SSC4D: variants seen among roughly 807,000 people sequenced by gnomAD.
SSC4D encodes the protein scavenger receptor cysteine-rich domain-containing group B protein.
A neutral mutation model predicts 63.4 loss-of-function variants in SSC4D; 57 were observed. The observed-to-expected ratio is 0.90, with a 90% CI of 0.73 to 1.12. The LOEUF (loss-of-function observed/expected upper bound fraction) is 1.12. Ranked by LOEUF, SSC4D falls within the 50% of genes most tolerant of loss-of-function variation. The pLI is 0.00. For synonymous variants in SSC4D, 352 were observed against 345.4 expected (o/e 1.02, Z -0.21); for missense variants, 791 against 806.4 (o/e 0.98, Z 0.23).
intron 5 of SSC4D, 95 bp from the exon 6 acceptor site, chr7:76,397,927 C>A: frequency 8.0e-7 from 1 of 1,257,378 alleles, no homozygotes; most frequent in East Asian, 2.6e-5. Context: ...ATCTACAACC[C>A]TTGGGCATCT....
At chr7:76,400,836 G>A (rs947065544) in intron 3 of SSC4D, among the ~76,000 whole-genome samples, 172 bp downstream of exon 3, 1 of 152,118 alleles carries the variant, frequency 6.6e-6, no homozygotes, top group Non-Finnish European at 1.5e-5. Flanking sequence ...TGAAGCCATG[G>A]GAACCTTGGG....
chr7:76,403,347 C>CTTTTT (rs766899317), intron 2 of SSC4D, among the ~76,000 whole-genome samples: 1 of 149,530 alleles, frequency 6.7e-6, no homozygotes, highest in African/African-American at 2.4e-5. Context: ...GACTCCACTT[C>CTTTTT]TTTTTTTTGA....
In SSC4D at chr7:76,389,978, C is replaced by T. The variant is rs780695731; in HGVS notation, c.*81G>A. ...AAGGAGGGGCAAAGTGAACTGTAGT[C>T]ATCACAAGAGGAGGGCTTCCTGGAG... On this transcript the variant is annotated 3_prime_UTR_variant, in exon 11 of 11. Coordinates refer to ENST00000275560, the MANE Select transcript of SSC4D (RefSeq NM_080744.2). 2 of 1,569,106 alleles carry T rather than the reference C, an allele frequency of 1.3e-6. No individual in the cohort carries two copies. Among genetic ancestry groups the T allele is most frequent in the Non-Finnish European group, 1.7e-6 (2 of 1,147,894 alleles).
intron 1 of SSC4D, 108 bp downstream of exon 1, chr7:76,409,306 C>CTT (rs1805155230): frequency 8.9e-6 from 1 of 112,854 alleles, no homozygotes; most frequent in Non-Finnish European, 1.8e-5. Context: ...GCCTCTCTCT[C>CTT]TCTCTCTCTC....
At chr7:76,407,170 T>C (rs541360550) in intron 1 of SSC4D, among the ~76,000 whole-genome samples, 144 of 152,116 alleles carry the variant, frequency 9.5e-4, no homozygotes, top group African/African-American at 3.2e-3. Flanking sequence ...CATGTTGACC[T>C]GGCTGGTCTG....
intron 2 of SSC4D, among the ~76,000 whole-genome samples, chr7:76,403,313 G>C (rs139830136): frequency 6.6e-6 from 1 of 151,702 alleles, no homozygotes; most frequent in Non-Finnish European, 1.5e-5. Context: ...ACTTGTGTAC[G>C]CATTTTACTG....
chr7:76,389,827 C>T lies in SSC4D; in HGVS notation c.*232G>A, dbSNP rs1563678366. On this transcript the variant is annotated 3_prime_UTR_variant, in exon 11 of 11. Coordinates refer to ENST00000275560, the MANE Select transcript of SSC4D (RefSeq NM_080744.2). ...TTTTGGCTGAGCAAAACCACAGGAG[C>T]TTTCACTGAATTGGGCTCACAACAG... is the stretch of plus-strand genomic sequence containing the variant. 1 of 577,086 alleles carries T rather than the reference C, an allele frequency of 1.7e-6. No homozygotes were observed. The highest frequency in any genetic ancestry group is 3.0e-6 in the Non-Finnish European group (1 of 328,718). 35.7% of individuals were successfully genotyped at this position (577,086 alleles called of 1,614,324 possible).
chr7:76,401,884 C>A (rs1804841060), intron 2 of SSC4D, among the ~76,000 whole-genome samples: 1 of 152,192 alleles, frequency 6.6e-6, no homozygotes, highest in Non-Finnish European at 1.5e-5. Flanking sequence ...AACTCTGTGT[C>A]CCCAGACTCT....
intron 9 of SSC4D, among the ~76,000 whole-genome samples, chr7:76,392,543 A>G (rs1804515461): frequency 6.6e-6 from 1 of 151,614 alleles, no homozygotes; most frequent in Non-Finnish European, 1.5e-5. Context: ...TGTCTCAAAA[A>G]AAAAAAAAAA....
chr7:76,392,697 G>C (rs748610917), intron 9 of SSC4D, among the ~76,000 whole-genome samples: 1 of 152,026 alleles, frequency 6.6e-6, no homozygotes, highest in Non-Finnish European at 1.5e-5. Flanking sequence ...GAGGTTGAGC[G>C]GAGTAGGATA....
At chr7:76,399,159 C>T (rs967644035) in intron 4 of SSC4D, among the ~76,000 whole-genome samples, 21 of 151,942 alleles carry the variant, frequency 1.4e-4, no homozygotes, top group Non-Finnish European at 2.9e-5. Flanking sequence ...TTACAGGTGC[C>T]TGCCACCATG....
rs1352005328 is a variant in SSC4D at position 76,397,558 on chromosome 7, G to T, written c.828C>A (p.His276Gln). ...AACQSLGWGV[H>Q]NCGHHEDAGA... ...CCGCGTCCTCGTGGTGGCCGCAGTT[G>T]TGCACACCCCAGCCCAGGCTCTGGC... Residue 276 changes from histidine (H) to glutamine (Q), a missense_variant, in exon 6 of 11, where the codon CAC becomes CAA. His to Gln is a conservative substitution (Grantham distance 24). Coordinates refer to ENST00000275560, the MANE Select transcript of SSC4D (RefSeq NM_080744.2). 2 of 1,603,338 alleles carry T rather than the reference G, an allele frequency of 1.2e-6. No homozygotes were observed. Among genetic ancestry groups the T allele is most frequent in the South Asian group, 2.2e-5 (2 of 89,960 alleles).
At chr7:76,396,938 G>C (rs540548634) in intron 6 of SSC4D, among the ~76,000 whole-genome samples, 1 of 152,222 alleles carries the variant, frequency 6.6e-6, no homozygotes, top group South Asian at 2.1e-4. Context: ...AATATCTCTG[G>C]GGCAATTCTA....
Position 76,390,320 on chromosome 7 carries a change from G to C in SSC4D, c.1467C>G (p.Tyr489Ter), listed in dbSNP as rs1221493523. 2 of 1,608,876 alleles carry C rather than the reference G, an allele frequency of 1.2e-6. No homozygotes were observed. The highest frequency in any genetic ancestry group is 2.2e-5 in the South Asian group (2 of 90,264). ...AGACAGTGCCCCACCGTTGCCCTAGGTAGAGCTCTACACGTCCCTCGCATC... is the reference window on the plus strand; with the variant it reads ...AGACAGTGCCCCACCGTTGCCCTAGCTAGAGCTCTACACGTCCCTCGCATC... ...AHRCEGRVELYLGQRWGTVCD... is the reference protein window; with the variant it reads ...AHRCEGRVEL The change falls in exon 11 of 11, where the codon TAC becomes TAG. Residue 489 changes from tyrosine to a stop codon, truncating the protein, a stop_gained. Coordinates refer to ENST00000275560, the MANE Select transcript of SSC4D (RefSeq NM_080744.2). LOFTEE classifies it high-confidence loss of function.
intron 1 of SSC4D, among the ~76,000 whole-genome samples, chr7:76,407,338 C>T (rs866069376): frequency 6.8e-6 from 1 of 146,814 alleles, no homozygotes; most frequent in Non-Finnish European, 1.5e-5. Context: ...GGGAGGATCT[C>T]TTTTTTTTTT....
At chr7:76,390,569 G>A (rs1804474457) in intron 10 of SSC4D, among the ~76,000 whole-genome samples, 194 bp from the exon 11 acceptor site, 1 of 152,240 alleles carries the variant, frequency 6.6e-6, no homozygotes, top group South Asian at 2.1e-4. Context: ...TGTAATTCCA[G>A]CACTTTGGGA....
At chr7:76,390,816 C>T (rs193163637) in intron 10 of SSC4D, among the ~76,000 whole-genome samples, 3,091 of 151,348 alleles carry the variant, frequency 0.02, 53 homozygotes, top group Non-Finnish European at 0.03. Flanking sequence ...GACTTCGTCT[C>T]AAAAAAACAA....
rs757478111 is a variant in SSC4D at position 76,397,620 on chromosome 7, C to A, written c.766G>T (p.Val256Leu). The change falls in exon 6 of 11, where the codon GTG (valine) becomes TTG (leucine). Residue 256 changes from valine (V) to leucine (L), a missense_variant. Val to Leu is a conservative substitution (Grantham distance 32). Coordinates refer to ENST00000275560, the MANE Select transcript of SSC4D (RefSeq NM_080744.2). The part of the protein sequence containing the change: ...YGTGHILLDN[V>L]HCEGGEPRLA... ...CGGGGCTCGCCGCCTTCGCAGTGCACGTTGTCCAGCAGGATGTGTCCGGTG... is the reference window on the plus strand; with the variant it reads ...CGGGGCTCGCCGCCTTCGCAGTGCAAGTTGTCCAGCAGGATGTGTCCGGTG... 3 of 1,613,060 alleles carry A rather than the reference C, an allele frequency of 1.9e-6. No homozygotes were observed. The highest frequency in any genetic ancestry group is 2.5e-6 in the Non-Finnish European group (3 of 1,179,666).
intron 6 of SSC4D, among the ~76,000 whole-genome samples, chr7:76,397,109 G>A (rs1329808994): frequency 3.9e-5 from 6 of 152,122 alleles, no homozygotes; most frequent in Non-Finnish European, 5.9e-5. Flanking sequence ...TTGAGATGGA[G>A]TCTGTCTCTG....
Sources: allele counts gnomAD v4.1 joint callset (sites outside exome capture counted in the v4.1 genomes callset), GRCh38; gene constraint gnomAD v4.1.1; transcripts MANE v1.5; gene names NCBI Gene and HGNC (gene_info 2026-07-23, HGNC 2026-07-21).